Variants in CYB5RL observed in about 807,000 individuals in gnomAD.
CYB5RL encodes cytochrome b5 reductase like.
In CYB5RL, 38 loss-of-function variants were observed where a neutral mutation model predicts 37.5. The observed-to-expected ratio is 1.01, with a 90% CI of 0.78 to 1.33. The LOEUF (loss-of-function observed/expected upper bound fraction) is 1.33, where lower values mean the gene tolerates loss of function less well. Ranked by LOEUF, CYB5RL falls within the 40% of genes most tolerant of loss-of-function variation. The pLI is 0.00. For synonymous variants in CYB5RL, 141 were observed against 151.9 expected, an observed-to-expected ratio of 0.93 and a Z score of 0.53; for missense variants, 388 against 394.4, an observed-to-expected ratio of 0.98 and a Z score of 0.14.
At chr1:54,194,659 A>C (rs1469923917) in intron 3 of CYB5RL, among the ~76,000 whole-genome samples, 1 of 152,230 alleles carries the variant, frequency 6.6e-6, no homozygotes, top group Non-Finnish European at 1.5e-5. Flanking sequence ...AAAGAAAAAA[A>C]AAAGTGATTA....
intron 2 of CYB5RL, 46 bp from the exon 3 acceptor site, chr1:54,195,761 C>T (rs1644002918): frequency 2.2e-6 from 2 of 893,820 alleles, no homozygotes; most frequent in Non-Finnish European, 3.3e-6. Context: ...CTCCTCTATT[C>T]CTCACATTCT....
chr1:54,199,765 A>G (rs572064988), intron 1 of CYB5RL, among the ~76,000 whole-genome samples: 13 of 152,352 alleles, frequency 8.5e-5, no homozygotes, highest in African/African-American at 3.1e-4. Flanking sequence ...TCTCACGCTC[A>G]GGAGAGGGAC....
At position 54,195,575 on chromosome 1, in the gene CYB5RL, G is replaced by C. The variant is rs1401849315; in HGVS notation, c.42C>G (p.Ala14=). ...GTTCTGTGGGCCGTAGCTGCATCCA[G>C]GCTTCCTCAGTGTCGTCGTCCTCTT... ...EREEDDDTEE[A]WMQLRPTEPL... Residue 14 remains alanine, a synonymous_variant, in exon 3 of 8, where the codon GCC becomes GCG. Transcript: ENST00000534324. The C allele has an allele frequency of 6.2e-7, 1 of 1,613,512 alleles. No homozygotes were observed. Among genetic ancestry groups the C allele is most frequent in the Non-Finnish European group, 8.5e-7 (1 of 1,179,544 alleles).
chr1:54,180,132 G>A, intron 6 of CYB5RL: 1 of 419,874 alleles, frequency 2.4e-6, no homozygotes, highest in Non-Finnish European at 4.7e-6. Context: ...AGCTACTTGG[G>A]AGGCTGAGGC....
At chr1:54,190,286 C>G (rs1643939042) in intron 4 of CYB5RL, among the ~76,000 whole-genome samples, 1 of 152,240 alleles carries the variant, frequency 6.6e-6, no homozygotes, top group African/African-American at 2.4e-5. Flanking sequence ...CTATGTAGTG[C>G]TGGGCAAGCC....
intron 5 of CYB5RL, chr1:54,185,246 T>C (rs1451695623): frequency 1.3e-5 from 2 of 152,164 alleles, no homozygotes; most frequent in African/African-American, 4.8e-5. Flanking sequence ...CTGCAGCCAC[T>C]TCCATGGATG....
At chr1:54,175,254 C>T (rs1182533184) in intron 7 of CYB5RL, among the ~76,000 whole-genome samples, 2 of 152,236 alleles carry the variant, frequency 1.3e-5, no homozygotes, top group Non-Finnish European at 2.9e-5. Context: ...TTTCAATGAA[C>T]ATATTCATTT....
chr1:54,190,929 C>T (rs144642365), intron 3 of CYB5RL, 33 bp from the exon 4 acceptor site: 58 of 1,600,884 alleles, frequency 3.6e-5, no homozygotes, highest in Middle Eastern at 4.3e-4. Flanking sequence ...AGCTAGAGGC[C>T]GGGGCTCCAC....
In CYB5RL at chr1:54,174,517, G is replaced by T; in HGVS notation, c.*102C>A. 3 of 1,382,640 alleles carry T rather than the reference G, an allele frequency of 2.2e-6. No homozygotes were observed. The highest frequency in any genetic ancestry group is 4.1e-5 in the Admixed American group (2 of 49,342). 85.6% of individuals were successfully genotyped at this position (1,382,640 alleles called of 1,614,324 possible). A position where few individuals can be genotyped will look rare whatever the true frequency, so the allele number is the denominator to read the frequency against. On this transcript the variant is annotated 3_prime_UTR_variant, in exon 8 of 8. Coordinates refer to ENST00000534324, the MANE Select transcript of CYB5RL (RefSeq NM_001031672.4). ...CCCAAGGTCACCTGGCAAATGAGCA[G>T]CAGGACCAGGCCTGGACTCCGTGTC...
chr1:54,189,158 G>A (rs574820459), intron 4 of CYB5RL, among the ~76,000 whole-genome samples: 1 of 151,880 alleles, frequency 6.6e-6, no homozygotes, highest in South Asian at 2.1e-4. Flanking sequence ...ACTCCAACCT[G>A]GGTGACAGAG....
chr1:54,174,687 A>T lies in CYB5RL; in HGVS notation c.880T>A (p.Phe294Ile). 1 of 1,613,620 alleles carries T rather than the reference A, an allele frequency of 6.2e-7. No homozygotes were observed. Among genetic ancestry groups the T allele is most frequent in the Middle Eastern group, 1.7e-4 (1 of 6,056 alleles). Reference protein sequence around the residue: ...PFALVCGSAEFTKDIARCLLC... With the variant: ...PFALVCGSAEITKDIARCLLC... The stretch of plus-strand genomic sequence containing the variant: ...AAGCACCTGGCTATGTCTTTGGTGA[A>T]CTCAGCCGAGCCACAGACCAGTGCG... Residue 294 changes from phenylalanine to isoleucine, a missense_variant, in exon 8 of 8, where the codon TTC (phenylalanine) becomes ATC (isoleucine). Transcript: ENST00000534324.
chr1:54,195,938 T>A (rs1032052336), intron 2 of CYB5RL, among the ~76,000 whole-genome samples: 5 of 152,230 alleles, frequency 3.3e-5, no homozygotes, highest in South Asian at 2.1e-4. Flanking sequence ...AGGGTTTGGC[T>A]TCAGGAAACC....
chr1:54,171,572 T>C lies in CYB5RL; in HGVS notation c.*3047A>G, dbSNP rs1245173552. 5.2e-6 allele frequency: 2 copies of C among 382,988 alleles called. No individual in the cohort carries two copies. Among genetic ancestry groups the C allele is most frequent in the African/African-American group, 2.1e-5 (1 of 47,772 alleles). The allele number at this position is 382,988 out of a possible 1,614,324, so 23.7% of individuals were successfully genotyped here. ...ATCTGTCCTCAGGCCCTCTAGTAGC[T>C]GTTGCCTTCCTGAAGCTTGGGATGC... On this transcript the variant is annotated 3_prime_UTR_variant, in exon 8 of 8. Coordinates refer to ENST00000534324, the MANE Select transcript of CYB5RL (RefSeq NM_001031672.4).
At chr1:54,194,327 G>A (rs535923250) in intron 3 of CYB5RL, among the ~76,000 whole-genome samples, 1 of 151,224 alleles carries the variant, frequency 6.6e-6, no homozygotes, top group Non-Finnish European at 1.5e-5. Context: ...CCAAGATAGC[G>A]CCACTGCACC....
intron 7 of CYB5RL, among the ~76,000 whole-genome samples, chr1:54,175,858 C>T (rs1660008354): frequency 6.6e-6 from 1 of 152,114 alleles, no homozygotes; most frequent in Admixed American, 6.6e-5. Context: ...ATCAAGGACT[C>T]GAGCATCCTC....
chr1:54,198,281 T>C (rs1644032539), intron 1 of CYB5RL, among the ~76,000 whole-genome samples: 1 of 151,966 alleles, frequency 6.6e-6, no homozygotes, highest in South Asian at 2.1e-4. Flanking sequence ...CAGGTATGCA[T>C]TATGAGTGAA....
chr1:54,179,099 A>G (rs756014572), intron 7 of CYB5RL, 50 bp downstream of exon 7: 11 of 1,574,422 alleles, frequency 7.0e-6, no homozygotes, highest in Non-Finnish European at 9.5e-6. Flanking sequence ...ACAGGTGCAA[A>G]GGGACAGCAG....
intron 3 of CYB5RL, among the ~76,000 whole-genome samples, chr1:54,192,769 T>C (rs1407794426): frequency 1.3e-5 from 2 of 152,036 alleles, no homozygotes; most frequent in Non-Finnish European, 2.9e-5. Flanking sequence ...TCTTTTTTTT[T>C]TTTTGAGACA....
chr1:54,190,710 G>A (rs758344657), intron 4 of CYB5RL, 38 bp downstream of exon 4: 6 of 1,551,240 alleles, frequency 3.9e-6, no homozygotes, highest in Non-Finnish European at 5.2e-6. Flanking sequence ...AGCAAAGCAG[G>A]GCTGTGAAGC....
Sources: allele counts gnomAD v4.1 joint callset (sites outside exome capture counted in the v4.1 genomes callset), GRCh38; gene constraint gnomAD v4.1.1; transcripts MANE v1.5; gene names NCBI Gene and HGNC (gene_info 2026-07-23, HGNC 2026-07-21).